Variants in SATL1 observed in about 807,000 individuals in gnomAD.
The protein encoded by SATL1 is spermidine/spermine N1-acetyl transferase like 1, also known as spermidine/spermine N(1)-acetyltransferase-like protein 1.
In SATL1, 47 loss-of-function variants were observed where a neutral mutation model predicts 51.8. That is an observed-to-expected ratio of 0.91 (90% confidence interval 0.72 to 1.16). The LOEUF is 1.16. SATL1 is among the 50% of genes most tolerant of loss of function. The probability of loss-of-function intolerance (pLI) is 0.00; values close to 1 mark genes in which losing one functional copy is unlikely to be tolerated. For synonymous variants in SATL1, 176 were observed against 182.4 expected (o/e 0.97, Z 0.28); for missense variants, 520 against 526.4 (o/e 0.99, Z 0.12).
intron 2 of SATL1, among the ~76,000 whole-genome samples, chrX:85,149,586 T>C: frequency 9.0e-6 from 1 of 111,506 alleles, no homozygotes; most frequent in South Asian, 3.8e-4. Context: ...TCAGCAAATG[T>C]AAAAGAACAG....
At chrX:85,235,846 A>C (rs1928471103) in intron 1 of SATL1, among the ~76,000 whole-genome samples, 1 of 111,366 alleles carries the variant, frequency 9.0e-6, no homozygotes, top group Admixed American at 9.5e-5. Context: ...CAGAGCAGAA[A>C]TAAGTGAAAT....
At chrX:85,143,031 A>G (rs192075986) in intron 2 of SATL1, 1 of 111,979 alleles carries the variant, frequency 8.9e-6, no homozygotes, top group Admixed American at 9.5e-5. Context: ...GTAAGGTCAG[A>G]GATCTCTGGT....
intron 2 of SATL1, among the ~76,000 whole-genome samples, chrX:85,191,375 CT>C (rs1345611741): frequency 1.8e-5 from 2 of 110,894 alleles, no homozygotes; most frequent in Non-Finnish European, 3.8e-5. Flanking sequence ...ATTATCATTT[CT>C]TTTTTTTCCT....
chrX:85,131,983 C>A (rs998051583), intron 2 of SATL1, among the ~76,000 whole-genome samples: 1 of 111,755 alleles, frequency 8.9e-6, no homozygotes, highest in African/African-American at 3.3e-5. Flanking sequence ...GGCCCCCAGT[C>A]TCTTCTGGCT....
intron 1 of SATL1, among the ~76,000 whole-genome samples, chrX:85,238,900 A>T (rs964329541): frequency 8.1e-5 from 9 of 110,995 alleles, no homozygotes; most frequent in Admixed American, 4.8e-4. Flanking sequence ...TGTCAAACTC[A>T]TAGAATGAAA....
At position 85,208,488 on chromosome X, in the gene SATL1, A is replaced by G. The variant is rs758703343; in HGVS notation, c.-313+15717T>C. ...GAGGGATCGCCACACTGTCTTCCACAATGGTTGAACTAATTTACACTCCCA... is the reference window on the plus strand; with the variant it reads ...GAGGGATCGCCACACTGTCTTCCACGATGGTTGAACTAATTTACACTCCCA... On this transcript the variant is annotated intron_variant, in intron 2 of 7. Coordinates refer to ENST00000644105, the MANE Select transcript of SATL1 (RefSeq NM_001367857.2). 5.4e-5 allele frequency among the ~76,000 whole-genome samples: 6 copies of G among 111,664 alleles called. No homozygotes were observed. The East Asian group carries it at 1.7e-3, about 32-fold the overall frequency.
At chrX:85,223,197 T>G in intron 2 of SATL1, among the ~76,000 whole-genome samples, 1 of 111,908 alleles carries the variant, frequency 8.9e-6, no homozygotes, top group East Asian at 2.8e-4. Context: ...TTTGTGCTTT[T>G]ATATCATCTG....
intron 2 of SATL1, among the ~76,000 whole-genome samples, chrX:85,124,229 G>C (rs962077954): frequency 1.8e-5 from 2 of 110,930 alleles, no homozygotes; most frequent in Non-Finnish European, 3.8e-5. Flanking sequence ...TTACCCCCAG[G>C]CATATCTTTT....
At chrX:85,240,059 A>G (rs1452257651) in intron 1 of SATL1, among the ~76,000 whole-genome samples, 1 of 111,711 alleles carries the variant, frequency 9.0e-6, no homozygotes, top group Non-Finnish European at 1.9e-5. Flanking sequence ...TTTTCAAATC[A>G]CGTATCTGAT....
chrX:85,126,274 T>C (rs1249564512), intron 2 of SATL1, among the ~76,000 whole-genome samples: 6 of 111,689 alleles, frequency 5.4e-5, no homozygotes, highest in Non-Finnish European at 1.1e-4. Context: ...CAGCCTTTCC[T>C]ACTTTGTCAG....
chrX:85,220,260 C>G (rs1363192382), intron 2 of SATL1, among the ~76,000 whole-genome samples: 1 of 110,505 alleles, frequency 9.0e-6, no homozygotes, highest in Non-Finnish European at 1.9e-5. Context: ...AACTTGAGTT[C>G]GTGCAGACCT....
intron 2 of SATL1, among the ~76,000 whole-genome samples, chrX:85,137,558 C>T (rs1325731265): frequency 3.6e-5 from 4 of 111,468 alleles, no homozygotes; most frequent in African/African-American, 1.3e-4. Flanking sequence ...CACCCCACCT[C>T]TACCCCACTC....
intron 2 of SATL1, among the ~76,000 whole-genome samples, chrX:85,145,238 T>A (rs1926205035): frequency 1.8e-5 from 2 of 111,195 alleles, no homozygotes; most frequent in South Asian, 7.6e-4. Flanking sequence ...CAACCCAGTA[T>A]TTATGTTGAC....
chrX:85,153,926 A>T (rs1926526866), intron 2 of SATL1: 2 of 111,951 alleles, frequency 1.8e-5, no homozygotes, highest in Non-Finnish European at 3.8e-5. Context: ...AGAAATTTCT[A>T]AATACCTTGA....
intron 1 of SATL1, among the ~76,000 whole-genome samples, chrX:85,238,535 A>T (rs1337450943): frequency 9.0e-6 from 1 of 111,217 alleles, no homozygotes; most frequent in Non-Finnish European, 1.9e-5. Flanking sequence ...GAAAATAGAG[A>T]CCAGAATGAT....
intron 2 of SATL1, among the ~76,000 whole-genome samples, chrX:85,148,359 G>C (rs867837239): frequency 9.1e-6 from 1 of 109,636 alleles, no homozygotes. Flanking sequence ...TGAAAGTGAC[G>C]GGGAGAATGG....
intron 2 of SATL1, among the ~76,000 whole-genome samples, chrX:85,206,198 C>A (rs1275109974): frequency 9.0e-6 from 1 of 111,430 alleles, no homozygotes; most frequent in Non-Finnish European, 1.9e-5. Flanking sequence ...CAAGCATGGG[C>A]TGAAAAATAT....
intron 2 of SATL1, among the ~76,000 whole-genome samples, chrX:85,128,451 A>C (rs1184278287): frequency 2.7e-4 from 30 of 112,311 alleles, no homozygotes; most frequent in Non-Finnish European, 4.7e-4. Context: ...TCTTCTTTTG[A>C]AAAGTGTCTG....
intron 1 of SATL1, among the ~76,000 whole-genome samples, chrX:85,233,521 C>T (rs1384153750): frequency 9.0e-6 from 1 of 111,559 alleles, no homozygotes; most frequent in Non-Finnish European, 1.9e-5. Flanking sequence ...GTTGAGGAAA[C>T]CCAAAGAAAT....
Sources: gnomAD v4.1 joint callset for allele counts (sites outside exome capture counted in the v4.1 genomes callset) on GRCh38, gnomAD v4.1.1 for gene constraint, MANE v1.5 for transcripts, NCBI Gene and HGNC (gene_info 2026-07-23, HGNC 2026-07-21) for gene names.